The following GP5 variants were observed in gnomAD, a reference collection of about 807,000 sequenced individuals.
The protein encoded by GP5 is platelet glycoprotein V.
For synonymous variants in GP5, 382 were observed against 353.9 expected, an observed-to-expected ratio of 1.08 and a Z score of -0.89; for missense variants, 755 against 737.1, an observed-to-expected ratio of 1.02 and a Z score of -0.28.
In GP5 at chr3:194,397,375, C is replaced by T. The variant is rs747330061; in HGVS notation, c.908G>A (p.Arg303His). ...QELWLNRTQL[R>H]TLPAAAFRNL... ...GCGGAAGGCGGCGGCGGGCAGGGTGCGCAGCTGGGTGCGGTTCAGCCACAG... is the reference window on the plus strand; with the variant it reads ...GCGGAAGGCGGCGGCGGGCAGGGTGTGCAGCTGGGTGCGGTTCAGCCACAG... The change falls in exon 2 of 2, where the codon CGC becomes CAC. Residue 303 changes from arginine (R) to histidine (H), a missense_variant. Coordinates refer to ENST00000692618, the MANE Select transcript of GP5 (RefSeq NM_004488.2). The surrounding 1 kb of genome is among the most constrained non-coding windows in gnomAD (Gnocchi z 7.2). 3.7e-6 allele frequency: 6 copies of T among 1,609,244 alleles called. No homozygotes were observed. Among genetic ancestry groups the T allele is most frequent in the East Asian group, 4.5e-5 (2 of 44,844 alleles).
At position 194,396,266 on chromosome 3, in the gene GP5, C is replaced by A. The variant is rs113415706; in HGVS notation, c.*334G>T. 0.051 allele frequency: 12,096 copies of A among 236,114 alleles called. 445 individuals are homozygous for A. The highest frequency in any genetic ancestry group is 0.13 in the South Asian group (1,086 of 8,234). The allele number at this position is 236,114 out of a possible 1,614,324, so 14.6% of individuals were successfully genotyped here. ...ACGCCAAGCCAGGCACAGCGGAGCA[C>A]GGATGGGTCCAACACAGTCCAGCGC... On this transcript the variant is annotated 3_prime_UTR_variant, in exon 2 of 2. Coordinates refer to ENST00000692618, the MANE Select transcript of GP5 (RefSeq NM_004488.2).
rs977762883 is a variant in GP5 at position 194,396,410 on chromosome 3, G to A, written c.*190C>T. ...GGGACACAGAGAGGAGGGGTTGCGG[G>A]CCTGTGAGAATGAAGAGCACAGAGC... On this transcript the variant is annotated 3_prime_UTR_variant, in exon 2 of 2. Coordinates refer to ENST00000692618, the MANE Select transcript of GP5 (RefSeq NM_004488.2). 9.2e-6 allele frequency: 5 copies of A among 543,396 alleles called. No individual in the cohort carries two copies. Among genetic ancestry groups the A allele is most frequent in the Admixed American group, 6.0e-5 (2 of 33,258 alleles). 33.7% of individuals were successfully genotyped at this position (543,396 alleles called of 1,614,324 possible). A position where few individuals can be genotyped will look rare whatever the true frequency, so the allele number is the denominator to read the frequency against.
chr3:194,397,675 G>A lies in GP5; in HGVS notation c.608C>T (p.Ser203Leu), dbSNP rs878894021. 6 of 1,613,976 alleles carry A rather than the reference G, an allele frequency of 3.7e-6. No individual in the cohort carries two copies. In the South Asian group the frequency reaches 6.6e-5, roughly 18 times the overall value. The change falls in exon 2 of 2, where the codon TCG (serine) becomes TTG (leucine). Residue 203 changes from serine (S) to leucine (L), a missense_variant. Physicochemically the swap from Ser to Leu is moderately radical, Grantham distance 145 (BLOSUM62 -2). Transcript: ENST00000692618. This position sits in a 1 kb window ranked among gnomAD's most constrained non-coding sequence, Gnocchi z 7.2. Reference protein sequence around the residue: ...QAKLERLLLHSNRLVSLDSGL... With the variant: ...QAKLERLLLHLNRLVSLDSGL... ...CGAATCCAGAGACACAAGGCGGTTC[G>A]AGTGGAGCAGAAGTCTCTCGAGCTT...
In GP5 at chr3:194,397,209, CA is replaced by C. The variant is rs1330599290; in HGVS notation, c.1073del (p.Leu358CysfsTer56). ...SNGLTALPDGLLRGLGKLRQV... is the reference protein window; with the variant it reads ...SNGLTALPDGXLRGLGKLRQV... ...GGCGCAGCTTGCCGAGGCCGCGCAG[CA>C]AGCCGTCGGGGAGGGCGGTCAGGCC... On this transcript the variant is annotated frameshift_variant, in exon 2 of 2. Coordinates refer to ENST00000692618, the MANE Select transcript of GP5 (RefSeq NM_004488.2). LOFTEE classifies it low-confidence loss of function (END_TRUNC). The surrounding 1 kb of genome is among the most constrained non-coding windows in gnomAD (Gnocchi z 7.2). The C allele has an allele frequency of 6.4e-7, 1 of 1,570,634 alleles. No homozygotes were observed. Among genetic ancestry groups the C allele is most frequent in the East Asian group, 2.3e-5 (1 of 43,256 alleles).
At position 194,395,900 on chromosome 3, in the gene GP5, G is replaced by A. The variant is rs1714438729; in HGVS notation, c.*700C>T. ...CTTTAAAAAGTACAAAAATTAGCCG[G>A]GTGTAGTGGCACACGCCTCTAATCC... On this transcript the variant is annotated 3_prime_UTR_variant, in exon 2 of 2. Coordinates refer to ENST00000692618, the MANE Select transcript of GP5 (RefSeq NM_004488.2). The A allele has an allele frequency of 6.6e-6, 1 of 152,174 alleles. No individual in the cohort carries two copies. The highest frequency in any genetic ancestry group is 1.5e-5 in the Non-Finnish European group (1 of 68,094). 9.4% of individuals were successfully genotyped at this position (152,174 alleles called of 1,614,324 possible).
chr3:194,397,026 C>CCCCA lies in GP5; in HGVS notation c.1253_1256dup (p.His420GlyfsTer51). The CCCCA allele has an allele frequency of 6.3e-7, 1 of 1,597,512 alleles. No individual in the cohort carries two copies. Among genetic ancestry groups the CCCCA allele is most frequent in the Non-Finnish European group, 8.5e-7 (1 of 1,178,624 alleles). On this transcript the variant is annotated frameshift_variant, in exon 2 of 2. Coordinates refer to ENST00000692618, the MANE Select transcript of GP5 (RefSeq NM_004488.2). LOFTEE classifies it low-confidence loss of function (END_TRUNC). The surrounding 1 kb of genome is among the most constrained non-coding windows in gnomAD (Gnocchi z 7.2). ...CACAGTCGCAGCGCCAGGAGTTGTGCCCCAACAGGACCTCCGTCAGCCGGG... is the reference window on the plus strand; with the variant it reads ...CACAGTCGCAGCGCCAGGAGTTGTGCCCCACCCAACAGGACCTCCGTCAGCCGGG...
Position 194,397,384 on chromosome 3 carries a change from G to A in GP5, c.899C>T (p.Thr300Ile). 2 of 1,611,146 alleles carry A rather than the reference G, an allele frequency of 1.2e-6. No individual in the cohort carries two copies. The highest frequency in any genetic ancestry group is 1.7e-6 in the Non-Finnish European group (2 of 1,179,706). Residue 300 changes from threonine (T) to isoleucine (I), a missense_variant, in exon 2 of 2, where the codon ACC becomes ATC. Coordinates refer to ENST00000692618, the MANE Select transcript of GP5 (RefSeq NM_004488.2). This position sits in a 1 kb window ranked among gnomAD's most constrained non-coding sequence, Gnocchi z 7.2. ...GGCGGCGGGCAGGGTGCGCAGCTGG[G>A]TGCGGTTCAGCCACAGCTCCTGCAG... ...GGLQELWLNR[T>I]QLRTLPAAAF...
rs998824981 is a variant in GP5 at position 194,396,318 on chromosome 3, G to A, written c.*282C>T. On this transcript the variant is annotated 3_prime_UTR_variant, in exon 2 of 2. Transcript: ENST00000692618. ...CCCGGCAGTGTCAGCGCACACCCGC[G>A]TGGGAGCTGGGGAAGGCAGGCAACC... The A allele has an allele frequency of 2.3e-5, 8 of 342,216 alleles. No individual in the cohort carries two copies. The Admixed American group carries it at 2.5e-4, about 10-fold the overall frequency. The allele number at this position is 342,216 out of a possible 1,614,324, so 21.2% of individuals were successfully genotyped here. A position where few individuals can be genotyped will look rare whatever the true frequency, so the allele number is the denominator to read the frequency against.
chr3:194,397,184 G>GGC lies in GP5; in HGVS notation c.1097_1098dup (p.Gln367AlafsTer48), dbSNP rs779938514. 4.4e-6 allele frequency: 7 copies of GGC among 1,573,304 alleles called. No homozygotes were observed. The South Asian group carries it at 4.5e-5, about 10-fold the overall frequency. On this transcript the variant is annotated frameshift_variant, in exon 2 of 2. Coordinates refer to ENST00000692618, the MANE Select transcript of GP5 (RefSeq NM_004488.2). LOFTEE classifies it low-confidence loss of function (END_TRUNC). The surrounding 1 kb of genome is among the most constrained non-coding windows in gnomAD (Gnocchi z 7.2). ...AGCCTGTTGCGGCGCAGGGACACCT[G>GGC]GCGCAGCTTGCCGAGGCCGCGCAGC...
Position 194,397,836 on chromosome 3 carries a change from C to T in GP5, c.447G>A (p.Gln149=), listed in dbSNP as rs71316299. The T allele has an allele frequency of 0.045, 72,521 of 1,614,060 alleles. 1,830 individuals carry two copies. Among genetic ancestry groups the T allele is most frequent in the South Asian group, 0.052 (4,751 of 91,086 alleles). The change falls in exon 2 of 2, where the codon CAG becomes CAA. Residue 149 remains glutamine, a synonymous_variant. Transcript: ENST00000692618. This position sits in a 1 kb window ranked among gnomAD's most constrained non-coding sequence, Gnocchi z 7.2. ...GCTGATTCTGGTTCAGAGCGAGCTC[C>T]TGCAGGTTAACCAGTTTCTGAAACA... is the stretch of plus-strand genomic sequence containing the variant. The part of the protein sequence containing the change: ...QNMFQKLVNL[Q]ELALNQNQLD...
rs757582911 is a variant in GP5, at chr3:194,398,249, C to G, written c.34G>C (p.Gly12Arg). 4 of 1,610,100 alleles carry G rather than the reference C, an allele frequency of 2.5e-6. No homozygotes were observed. In the East Asian group the frequency reaches 6.7e-5, roughly 27 times the overall value. ...GGGAAGGGCTGGGCGCGCAGAAGCC[C>G]GAGCACCGCGCACAGTAGAGTCCCC... ...LRGTLLCAVL[G>R]LLRAQPFPCP... Residue 12 changes from glycine (G) to arginine (R), a missense_variant, in exon 2 of 2, where the codon GGG (glycine) becomes CGG (arginine). Gly to Arg is a moderately radical substitution (Grantham distance 125, BLOSUM62 -2). Coordinates refer to ENST00000692618, the MANE Select transcript of GP5 (RefSeq NM_004488.2).
rs778320454 is a variant in GP5 at position 194,398,208 on chromosome 3, G to T, written c.75C>A (p.Cys25Ter). ...GCGCGGCGTCCCGGAAGACACACTTGCAAGCTGGCGGACAGGGGAAGGGCT... is the reference window on the plus strand; with the variant it reads ...GCGCGGCGTCCCGGAAGACACACTTTCAAGCTGGCGGACAGGGGAAGGGCT... ...RAQPFPCPPA[C>*]KCVFRDAAQC... Residue 25 changes from cysteine (C) to a stop codon, truncating the protein, a stop_gained, in exon 2 of 2, where the codon TGC becomes TGA. Coordinates refer to ENST00000692618, the MANE Select transcript of GP5 (RefSeq NM_004488.2). LOFTEE classifies it low-confidence loss of function (END_TRUNC). The T allele has an allele frequency of 6.2e-7, 1 of 1,612,626 alleles. No homozygotes were observed. Among genetic ancestry groups the T allele is most frequent in the Admixed American group, 1.7e-5 (1 of 59,970 alleles).
At position 194,398,194 on chromosome 3, in the gene GP5, C is replaced by T. The variant is rs752780195; in HGVS notation, c.89G>A (p.Arg30Gln). ...GCCCCCCGAGCACTGCGCGGCGTCCCGGAAGACACACTTGCAAGCTGGCGG... is the reference window on the plus strand; with the variant it reads ...GCCCCCCGAGCACTGCGCGGCGTCCTGGAAGACACACTTGCAAGCTGGCGG... ...PCPPACKCVF[R>Q]DAAQCSGGDV... Residue 30 changes from arginine (R) to glutamine (Q), a missense_variant, in exon 2 of 2, where the codon CGG becomes CAG. Arg to Gln is a conservative substitution (Grantham distance 43, BLOSUM62 1). Transcript: ENST00000692618. 6 of 1,612,668 alleles carry T rather than the reference C, an allele frequency of 3.7e-6. No homozygotes were observed. The highest frequency in any genetic ancestry group is 5.1e-6 in the Non-Finnish European group (6 of 1,179,666).
At position 194,397,616 on chromosome 3, in the gene GP5, G is replaced by A. The variant is rs1239283806; in HGVS notation, c.667C>T (p.Leu223=). The change falls in exon 2 of 2, where the codon CTG becomes TTG. Residue 223 remains leucine (L), a synonymous_variant. Coordinates refer to ENST00000692618, the MANE Select transcript of GP5 (RefSeq NM_004488.2). This position sits in a 1 kb window ranked among gnomAD's most constrained non-coding sequence, Gnocchi z 7.2. The part of the protein sequence containing the change: ...LLNSLGALTE[L]QFHRNHIRSI... ...CGGATGTGATTTCGGTGGAACTGCA[G>A]CTCCGTCAGGGCGCCCAGGCTGTTC... 2.0e-5 allele frequency: 32 copies of A among 1,613,962 alleles called. No individual in the cohort carries two copies. The Admixed American group carries it at 5.3e-4, about 27-fold the overall frequency.
rs1577011312 is a variant in GP5, at chr3:194,397,085, C to T, written c.1198G>A (p.Glu400Lys). Reference sequence around the variant, plus strand: ...CCAAACACGTCGCCAGGCAGGGTCTCCAGCTGGTTGTGGTCGAGCTGGACG... The same window carrying T: ...CCAAACACGTCGCCAGGCAGGGTCTTCAGCTGGTTGTGGTCGAGCTGGACG... ...ESVQLDHNQL[E>K]TLPGDVFGAL... Residue 400 changes from glutamate (E) to lysine (K), a missense_variant, in exon 2 of 2, where the codon GAG (glutamate) becomes AAG (lysine). Coordinates refer to ENST00000692618, the MANE Select transcript of GP5 (RefSeq NM_004488.2). This position sits in a 1 kb window ranked among gnomAD's most constrained non-coding sequence, Gnocchi z 7.2. The T allele has an allele frequency of 6.3e-7, 1 of 1,595,282 alleles. No individual in the cohort carries two copies. The highest frequency in any genetic ancestry group is 2.2e-5 in the East Asian group (1 of 44,746).
rs1032873836 is a variant in GP5 at position 194,398,037 on chromosome 3, G to A, written c.246C>T (p.Ser82=). 1.2e-6 allele frequency: 2 copies of A among 1,614,102 alleles called. No homozygotes were observed. Among genetic ancestry groups the A allele is most frequent in the Non-Finnish European group, 8.5e-7 (1 of 1,180,006 alleles). The change falls in exon 2 of 2, where the codon TCC becomes TCT. Residue 82 remains serine, a synonymous_variant. Coordinates refer to ENST00000692618, the MANE Select transcript of GP5 (RefSeq NM_004488.2). ...GMTVLQRLMI[S]DSHISAVAPG... is the part of the protein sequence containing the mutation. ...GGGCAACGGCGGAAATGTGGCTGTCGGAGATCATGAGGCGCTGCAGGACGG... is the reference window on the plus strand; with the variant it reads ...GGGCAACGGCGGAAATGTGGCTGTCAGAGATCATGAGGCGCTGCAGGACGG...
Position 194,398,115 on chromosome 3 carries a change from C to T in GP5, c.168G>A (p.Leu56=). 2 of 1,613,644 alleles carry T rather than the reference C, an allele frequency of 1.2e-6. No individual in the cohort carries two copies. Among genetic ancestry groups the T allele is most frequent in the Non-Finnish European group, 8.5e-7 (1 of 1,179,950 alleles). ...GGACGCCGCGGCCCATTCCGAAGAG[C>T]AGGATGTGCGTGAGGTTGGTGGGCA... ...LGLPTNLTHI[L]LFGMGRGVLQ... is the part of the protein sequence containing the mutation. Residue 56 remains leucine (L), a synonymous_variant, in exon 2 of 2, where the codon CTG becomes CTA. Coordinates refer to ENST00000692618, the MANE Select transcript of GP5 (RefSeq NM_004488.2).
chr3:194,396,510 G>T lies in GP5; in HGVS notation c.*90C>A. On this transcript the variant is annotated 3_prime_UTR_variant, in exon 2 of 2. Coordinates refer to ENST00000692618, the MANE Select transcript of GP5 (RefSeq NM_004488.2). ...GGAAGAAGAGAGGAGGAGTGGGGAG[G>T]GGAGGGAGAGCAAGACAGCAGCGGG... 2 of 997,946 alleles carry T rather than the reference G, an allele frequency of 2.0e-6. No homozygotes were observed. The highest frequency in any genetic ancestry group is 3.0e-6 in the Non-Finnish European group (2 of 669,300). The allele number at this position is 997,946 out of a possible 1,614,324, so 61.8% of individuals were successfully genotyped here. A position where few individuals can be genotyped will look rare whatever the true frequency, so the allele number is the denominator to read the frequency against.
Position 194,396,418 on chromosome 3 carries a change from G to A in GP5, c.*182C>T. 1 of 546,102 alleles carries A rather than the reference G, an allele frequency of 1.8e-6. No homozygotes were observed. The highest frequency in any genetic ancestry group is 3.2e-6 in the Non-Finnish European group (1 of 309,784). 33.8% of individuals were successfully genotyped at this position (546,102 alleles called of 1,614,324 possible). A position where few individuals can be genotyped will look rare whatever the true frequency, so the allele number is the denominator to read the frequency against. ...GAGAGGAGGGGTTGCGGGCCTGTGA[G>A]AATGAAGAGCACAGAGCGGAGAGGG... is the stretch of plus-strand genomic sequence containing the variant. On this transcript the variant is annotated 3_prime_UTR_variant, in exon 2 of 2. Coordinates refer to ENST00000692618, the MANE Select transcript of GP5 (RefSeq NM_004488.2).
Sources: allele counts gnomAD v4.1 joint callset, GRCh38; gene constraint gnomAD v4.1.1; non-coding constraint Gnocchi (gnomAD v3.1); transcripts MANE v1.5; gene names NCBI Gene and HGNC (gene_info 2026-07-23, HGNC 2026-07-21).